RBM20: variants seen among roughly 807,000 people sequenced by gnomAD.
RBM20 encodes the protein RNA binding motif protein 20, also known as RNA-binding protein 20.
In RBM20, 51 loss-of-function variants were observed where a neutral mutation model predicts 110.1. That is an observed-to-expected ratio of 0.46 (90% CI 0.37 to 0.59). The LOEUF (loss-of-function observed/expected upper bound fraction) is 0.59. Ranked by LOEUF, RBM20 falls within the 20% of genes least tolerant of loss-of-function variation. RBM20 has a pLI of 0.00. For synonymous variants in RBM20, 589 were observed against 618.2 expected (o/e 0.95, Z 0.70); for missense variants, 1,512 against 1,574.9 (o/e 0.96, Z 0.68).
chr10:110,725,965 C>G (rs2134940849), intron 1 of RBM20, among the ~76,000 whole-genome samples: 1 of 151,424 alleles, frequency 6.6e-6, no homozygotes, highest in East Asian at 2.0e-4. Flanking sequence ...TCCTGGCAGG[C>G]AGTGGTGCTG....
chr10:110,711,878 C>T (rs1564822473), intron 1 of RBM20, among the ~76,000 whole-genome samples: 1 of 151,488 alleles, frequency 6.6e-6, no homozygotes, highest in African/African-American at 2.4e-5. Flanking sequence ...GGATTGTATC[C>T]TTTTTTTTTC....
At chr10:110,820,030 G>T (rs1169723307) in intron 9 of RBM20, 42 bp from the exon 10 acceptor site, 1 of 1,297,186 alleles carries the variant, frequency 7.7e-7, no homozygotes, top group Non-Finnish European at 1.1e-6. Flanking sequence ...CCCTGTCACT[G>T]CTCACTGTTG....
chr10:110,809,218 T>TAAAAAAAAAAAA lies in RBM20; in HGVS notation c.1801-1162_1801-1151dup, dbSNP rs60697105. Among the ~76,000 whole-genome samples, 93 of 60,706 alleles carry TAAAAAAAAAAAA rather than the reference T, an allele frequency of 1.5e-3. 7 individuals carry two copies. The highest frequency in any genetic ancestry group is 2.6e-3 in the African/African-American group (52 of 19,754). The allele number at this position is 60,706 out of a possible 152,430, so 39.8% of individuals were successfully genotyped here. On this transcript the variant is annotated intron_variant, in intron 7 of 13. Transcript: ENST00000369519. ...AGTGACAGAGCAAGACCCCGTTTCT[T>TAAAAAAAAAAAA]AAAAAAAAAAAAAATTGCATGATTC...
At chr10:110,653,559 T>C (rs1190770735) in intron 1 of RBM20, among the ~76,000 whole-genome samples, 3 of 151,640 alleles carry the variant, frequency 2.0e-5, no homozygotes, top group Non-Finnish European at 4.4e-5. Context: ...TTGTTTATAA[T>C]GTCTTTCTCT....
At chr10:110,757,356 G>T (rs758637720) in intron 1 of RBM20, among the ~76,000 whole-genome samples, 10 of 152,270 alleles carry the variant, frequency 6.6e-5, no homozygotes, top group Middle Eastern at 3.4e-3. Flanking sequence ...TATACTCCCT[G>T]AGTGTTTGGC....
intron 10 of RBM20, 87 bp downstream of exon 10, chr10:110,820,263 G>T: frequency 1.2e-6 from 1 of 858,882 alleles, no homozygotes; most frequent in Non-Finnish European, 1.9e-6. Flanking sequence ...CCTGCTGGAT[G>T]GAATATGGCT....
At chr10:110,804,505 T>C (rs1844670934) in intron 7 of RBM20, among the ~76,000 whole-genome samples, 1 of 152,222 alleles carries the variant, frequency 6.6e-6, no homozygotes, top group South Asian at 2.1e-4. Flanking sequence ...GGGAGAGATT[T>C]TAAGGTATTT....
chr10:110,765,035 T>A (rs1179697534), intron 1 of RBM20, among the ~76,000 whole-genome samples: 7 of 151,934 alleles, frequency 4.6e-5, no homozygotes, highest in African/African-American at 1.7e-4. Context: ...CAGTTTAACA[T>A]GTGACCTAAA....
chr10:110,750,171 T>C (rs1490411653), intron 1 of RBM20, among the ~76,000 whole-genome samples: 1 of 152,216 alleles, frequency 6.6e-6, no homozygotes, highest in Non-Finnish European at 1.5e-5. Context: ...TCCTGGTTGG[T>C]GGGGACACAA....
rs563411472 is a variant in RBM20 at position 110,781,786 on chromosome 10, C to T, written c.1177C>T (p.Pro393Ser). The change falls in exon 2 of 14, where the codon CCC (proline) becomes TCC (serine). Residue 393 changes from proline (P) to serine (S), a missense_variant. Transcript: ENST00000369519. The stretch of plus-strand genomic sequence containing the variant: ...GGACCAGGCGTTGCTATCTGTGCGG[C>T]CCCTGCAGGCTCATGAGCTGAACGA... ...KEDQALLSVR[P>S]LQAHELNDFH... 3.9e-6 allele frequency: 6 copies of T among 1,551,810 alleles called. No individual in the cohort carries two copies. The highest frequency in any genetic ancestry group is 3.9e-5 in the Admixed American group (2 of 51,008).
chr10:110,825,867 GA>G (rs1844974602), intron 12 of RBM20, among the ~76,000 whole-genome samples: 1 of 152,152 alleles, frequency 6.6e-6, no homozygotes, highest in Admixed American at 6.5e-5. Context: ...TTATTTAACA[GA>G]TAAAAAATCT....
intron 7 of RBM20, among the ~76,000 whole-genome samples, chr10:110,801,659 G>A (rs186386252): frequency 8.7e-5 from 13 of 149,894 alleles, no homozygotes; most frequent in African/African-American, 2.0e-4. Context: ...CCCACCTCCC[G>A]AGTAGCTGGG....
chr10:110,746,084 G>A (rs1156603933), intron 1 of RBM20, among the ~76,000 whole-genome samples: 3 of 152,144 alleles, frequency 2.0e-5, no homozygotes, highest in Non-Finnish European at 4.4e-5. Flanking sequence ...GTTTGGTAGC[G>A]ATTCGGCTGG....
Position 110,820,107 on chromosome 10 carries a change from C to T in RBM20, c.2586C>T (p.Ser862=). 2 of 1,551,242 alleles carry T rather than the reference C, an allele frequency of 1.3e-6. No homozygotes were observed. Among genetic ancestry groups the T allele is most frequent in the Admixed American group, 2.0e-5 (1 of 50,962 alleles). Residue 862 remains serine (S), a synonymous_variant, in exon 10 of 14, where the codon AGC becomes AGT. Coordinates refer to ENST00000369519, the MANE Select transcript of RBM20 (RefSeq NM_001134363.3). ...GKEEQEGMEE[S]PQSVGRQEKE... is the part of the protein sequence containing the mutation. The stretch of plus-strand genomic sequence containing the variant: ...AGGAACAGGAGGGCATGGAAGAAAG[C>T]CCTCAATCAGTGGGCAGACAGGAGA...
intron 1 of RBM20, among the ~76,000 whole-genome samples, chr10:110,683,395 G>A (rs1178388430): frequency 2.6e-5 from 4 of 152,212 alleles, no homozygotes; most frequent in Non-Finnish European, 5.9e-5. Context: ...ATTGGAGCTG[G>A]TAATTGGTTT....
intron 1 of RBM20, among the ~76,000 whole-genome samples, chr10:110,719,329 C>A (rs1843477262): frequency 6.6e-6 from 1 of 152,212 alleles, no homozygotes; most frequent in South Asian, 2.1e-4. Flanking sequence ...AGAGTGGGCA[C>A]CCTTCACAGA....
At chr10:110,746,720 T>G (rs1843785347) in intron 1 of RBM20, among the ~76,000 whole-genome samples, 1 of 152,250 alleles carries the variant, frequency 6.6e-6, no homozygotes, top group African/African-American at 2.4e-5. Context: ...GGATGCCTCT[T>G]TCTCCCTGAC....
chr10:110,665,952 A>G (rs1862168943), intron 1 of RBM20, among the ~76,000 whole-genome samples: 1 of 151,366 alleles, frequency 6.6e-6, no homozygotes, highest in African/African-American at 2.4e-5. Flanking sequence ...TGTCTCTACA[A>G]ATAATACAAA....
intron 1 of RBM20, among the ~76,000 whole-genome samples, chr10:110,645,300 G>T (rs1434936472): frequency 8.5e-5 from 13 of 152,194 alleles, no homozygotes; most frequent in Non-Finnish European, 1.6e-4. Context: ...AATAAGCCCC[G>T]AGAGGCTCTT....
Sources: gnomAD v4.1 joint callset for allele counts (sites outside exome capture counted in the v4.1 genomes callset) on GRCh38, gnomAD v4.1.1 for gene constraint, MANE v1.5 for transcripts, NCBI Gene and HGNC (gene_info 2026-07-23, HGNC 2026-07-21) for gene names.